EXOC4: variants seen among roughly 807,000 people sequenced by gnomAD.
EXOC4 encodes the protein exocyst complex component 4.
Under a neutral mutation model 107.2 loss-of-function variants are expected in EXOC4, and 71 were observed. That is an observed-to-expected ratio of 0.66 (90% CI 0.55 to 0.81). The LOEUF is 0.81. EXOC4 is among the 30% of genes least tolerant of loss of function. The pLI, the probability that EXOC4 is intolerant of heterozygous loss-of-function variation, is 0.00. For synonymous variants in EXOC4, 456 were observed against 441.2 expected (o/e 1.03, Z -0.42); for missense variants, 1,108 against 1,189.6 (o/e 0.93, Z 1.01).
At position 133,537,296 on chromosome 7, in the gene EXOC4, A is replaced by ACCC. The variant is rs373040586; in HGVS notation, c.1417+57167_1417+57169dup. 6.4e-3 allele frequency among the ~76,000 whole-genome samples: 818 copies of ACCC among 127,896 alleles called. 30 individuals are homozygous for ACCC. Among genetic ancestry groups the ACCC allele is most frequent in the African/African-American group, 0.023 (727 of 31,606 alleles). The allele number at this position is 127,896 out of a possible 152,430, so 83.9% of individuals were successfully genotyped here. On this transcript the variant is annotated intron_variant, in intron 9 of 17. Transcript: ENST00000253861. ...CTCCTGGGTAGTTGGGATTACAGGC[A>ACCC]CCCCCCCCCCCACCACACCTGACTA... is the stretch of plus-strand genomic sequence containing the variant.
At chr7:133,489,962 A>T (rs1225536146) in intron 9 of EXOC4, among the ~76,000 whole-genome samples, 1 of 152,168 alleles carries the variant, frequency 6.6e-6, no homozygotes, top group Non-Finnish European at 1.5e-5. Flanking sequence ...GGCTAATAGG[A>T]TGTGATTGAA....
intron 17 of EXOC4, among the ~76,000 whole-genome samples, chr7:134,020,568 C>T (rs796858764): frequency 8.5e-5 from 13 of 152,278 alleles, no homozygotes; most frequent in African/African-American, 2.6e-4. Context: ...GAGGCAGAGT[C>T]GGGTTGTATT....
intron 10 of EXOC4, among the ~76,000 whole-genome samples, chr7:133,658,490 T>A (rs763643): frequency 0.43 from 64,971 of 151,994 alleles, 14,841 homozygotes; most frequent in Admixed American, 0.57. Context: ...GCTATGGGGC[T>A]CATGTTGCCC....
intron 14 of EXOC4, among the ~76,000 whole-genome samples, chr7:133,950,177 A>G (rs925176250): frequency 2.5e-4 from 38 of 152,202 alleles, no homozygotes; most frequent in Middle Eastern, 3.2e-3. Flanking sequence ...AGAACCTCCA[A>G]AAGGTGGTGA....
At chr7:133,693,308 C>G (rs1465979628) in intron 10 of EXOC4, among the ~76,000 whole-genome samples, 1 of 152,114 alleles carries the variant, frequency 6.6e-6, no homozygotes, top group Admixed American at 6.5e-5. Flanking sequence ...AGGAAGCATC[C>G]AGCATGGGAG....
At chr7:134,060,425 G>C (rs1179970774) in intron 17 of EXOC4, among the ~76,000 whole-genome samples, 4 of 152,170 alleles carry the variant, frequency 2.6e-5, no homozygotes, top group Non-Finnish European at 5.9e-5. Context: ...GCCAGAAAAT[G>C]TCTCAATCAA....
chr7:133,870,104 G>T (rs1162321007), intron 11 of EXOC4, among the ~76,000 whole-genome samples: 1 of 152,186 alleles, frequency 6.6e-6, no homozygotes, highest in Non-Finnish European at 1.5e-5. Flanking sequence ...GCTATATCTA[G>T]TGAAGGTTGC....
At chr7:133,551,981 C>T (rs890605847) in intron 9 of EXOC4, among the ~76,000 whole-genome samples, 2 of 151,876 alleles carry the variant, frequency 1.3e-5, no homozygotes, top group East Asian at 1.9e-4. Context: ...ATTGAGTCTT[C>T]GTGAGAAGAT....
chr7:133,268,065 G>A (rs911075054), intron 1 of EXOC4, among the ~76,000 whole-genome samples: 44 of 152,102 alleles, frequency 2.9e-4, no homozygotes, highest in Admixed American at 5.9e-4. Context: ...CAACACTTCC[G>A]TCACACTTTA....
At chr7:133,296,780 A>G (rs369908921) in intron 3 of EXOC4, among the ~76,000 whole-genome samples, 212 of 152,140 alleles carry the variant, frequency 1.4e-3, no homozygotes, top group Middle Eastern at 6.8e-3. Flanking sequence ...ACTAAAGCCT[A>G]CGAGGTTCAG....
rs755624293 is a variant in EXOC4, at chr7:134,059,443, AC to A, written c.2688-4847del. ...AGATATCAACAATTCATTTATACAT[AC>A]ACGCATACCTACATACATTAAAAAC... On this transcript the variant is annotated intron_variant, in intron 17 of 17. Coordinates refer to ENST00000253861, the MANE Select transcript of EXOC4 (RefSeq NM_021807.4). Among the ~76,000 whole-genome samples the A allele has an allele frequency of 6.6e-5, 10 of 152,314 alleles. No individual in the cohort carries two copies. In the South Asian group the frequency reaches 2.1e-3, roughly 32 times the overall value.
intron 2 of EXOC4, among the ~76,000 whole-genome samples, chr7:133,284,376 T>C (rs1175372833): frequency 1.3e-5 from 2 of 152,100 alleles, no homozygotes; most frequent in East Asian, 1.9e-4. Context: ...AGAACTATAG[T>C]AGCAAGGTGA....
At chr7:133,472,329 G>A (rs1798899774) in intron 7 of EXOC4, among the ~76,000 whole-genome samples, 1 of 152,144 alleles carries the variant, frequency 6.6e-6, no homozygotes, top group African/African-American at 2.4e-5. Context: ...AAATGGACAG[G>A]AGTGGGCAAA....
At chr7:133,433,144 G>A (rs1365425933) in intron 7 of EXOC4, among the ~76,000 whole-genome samples, 1 of 152,188 alleles carries the variant, frequency 6.6e-6, no homozygotes, top group African/African-American at 2.4e-5. Flanking sequence ...TCCATAAGCG[G>A]TAGGATACCA....
chr7:134,057,745 G>T (rs1411455185), intron 17 of EXOC4, among the ~76,000 whole-genome samples: 1 of 152,042 alleles, frequency 6.6e-6, no homozygotes, highest in Non-Finnish European at 1.5e-5. Context: ...AGCTAATTCT[G>T]ATGGGAGCCC....
chr7:133,936,392 G>A (rs1402522475), intron 13 of EXOC4, among the ~76,000 whole-genome samples: 1 of 152,220 alleles, frequency 6.6e-6, no homozygotes, highest in Non-Finnish European at 1.5e-5. Context: ...AAACACCTAT[G>A]TGTCAATTAA....
At chr7:133,821,233 G>A (rs181762166) in intron 11 of EXOC4, among the ~76,000 whole-genome samples, 7 of 152,310 alleles carry the variant, frequency 4.6e-5, no homozygotes, top group Non-Finnish European at 8.8e-5. Flanking sequence ...TGTTTAAAAT[G>A]TATGGCAACT....
intron 2 of EXOC4, among the ~76,000 whole-genome samples, chr7:133,286,949 G>A (rs928807188): frequency 6.6e-6 from 1 of 152,168 alleles, no homozygotes; most frequent in Admixed American, 6.5e-5. Flanking sequence ...TGTGTGGCTT[G>A]ATGGGGATTT....
intron 11 of EXOC4, among the ~76,000 whole-genome samples, chr7:133,836,627 A>G (rs1006512115): frequency 2.6e-5 from 4 of 152,142 alleles, no homozygotes; most frequent in African/African-American, 9.7e-5. Context: ...TCCAAAACCA[A>G]ATAACGCACA....
Sources: gnomAD v4.1 joint callset for allele counts (sites outside exome capture counted in the v4.1 genomes callset) on GRCh38, gnomAD v4.1.1 for gene constraint, MANE v1.5 for transcripts, NCBI Gene and HGNC (gene_info 2026-07-23, HGNC 2026-07-21) for gene names.